The following CHD2 variants were observed in gnomAD, a reference collection of about 807,000 sequenced individuals.
CHD2 encodes ATP-dependent chromatin remodeler CHD2.
Under a neutral mutation model 243.9 loss-of-function variants are expected in CHD2, and 28 were observed. That is an observed-to-expected ratio of 0.11 (90% CI 0.09 to 0.16). The LOEUF is 0.16. Ranked by LOEUF, CHD2 falls within the 10% of genes least tolerant of loss-of-function variation. The pLI is 1.00. For synonymous variants in CHD2, 775 were observed against 779.0 expected (o/e 0.99, Z 0.09); for missense variants, 1,386 against 2,209.8 (o/e 0.63, Z 7.47).
chr15:92,910,063 G>A (rs2052702999), intron 2 of CHD2, among the ~76,000 whole-genome samples: 1 of 151,866 alleles, frequency 6.6e-6, no homozygotes, highest in African/African-American at 2.4e-5. Flanking sequence ...CTGGAGTGCA[G>A]TGGTACAATT....
At chr15:93,004,527 C>G in intron 33 of CHD2, 90 bp from the exon 34 acceptor site, 1 of 1,204,002 alleles carries the variant, frequency 8.3e-7, no homozygotes, top group East Asian at 2.6e-5. Context: ...CATATTTACC[C>G]ATTTTAATAA....
chr15:92,968,143 A>C (rs938223443), intron 17 of CHD2, among the ~76,000 whole-genome samples: 35 of 152,080 alleles, frequency 2.3e-4, no homozygotes, highest in African/African-American at 7.7e-4. Context: ...TTGCCTTATA[A>C]ATTTTTTGAG....
chr15:92,923,078 T>C (rs571616868), intron 2 of CHD2, among the ~76,000 whole-genome samples: 1 of 152,362 alleles, frequency 6.6e-6, no homozygotes, highest in East Asian at 1.9e-4. Flanking sequence ...CTTACTTCTG[T>C]TAAGTCTACC....
chr15:92,932,643 C>G (rs1415941346), intron 5 of CHD2, among the ~76,000 whole-genome samples: 3 of 152,134 alleles, frequency 2.0e-5, no homozygotes, highest in Non-Finnish European at 4.4e-5. Context: ...ATTGGGAGCA[C>G]TTTCACAGCC....
At chr15:92,947,584 A>C (rs962967022) in intron 12 of CHD2, 1 of 152,260 alleles carries the variant, frequency 6.6e-6, no homozygotes, top group African/African-American at 2.4e-5. Flanking sequence ...TTCATGTAAT[A>C]GCAGTATATA....
intron 21 of CHD2, among the ~76,000 whole-genome samples, chr15:92,978,816 C>A (rs569598064): frequency 1.3e-5 from 2 of 152,238 alleles, no homozygotes; most frequent in South Asian, 4.1e-4. Flanking sequence ...ATTGGATAAC[C>A]CGTAAGTTTC....
At chr15:92,924,290 A>G (rs1366284341) in intron 2 of CHD2, 31 bp from the exon 3 acceptor site, 1 of 1,591,636 alleles carries the variant, frequency 6.3e-7, no homozygotes, top group Admixed American at 1.7e-5. Context: ...GTTCTTAAAT[A>G]TTTTTAAATC....
intron 16 of CHD2, among the ~76,000 whole-genome samples, chr15:92,959,984 T>C (rs981115314): frequency 1.3e-5 from 2 of 152,250 alleles, no homozygotes; most frequent in Admixed American, 6.5e-5. Flanking sequence ...TTATTAATAT[T>C]GAGTCTTCTA....
chr15:93,023,683 T>TTG (rs1399432332), intron 38 of CHD2, among the ~76,000 whole-genome samples: 1 of 149,614 alleles, frequency 6.7e-6, no homozygotes, highest in South Asian at 2.1e-4. Flanking sequence ...TTTTTTGTGT[T>TTG]TTTTTTTAAT....
intron 16 of CHD2, among the ~76,000 whole-genome samples, chr15:92,961,690 G>A (rs1411300834): frequency 6.6e-6 from 1 of 152,110 alleles, no homozygotes; most frequent in East Asian, 1.9e-4. Context: ...GAGATAATAG[G>A]CATGAACCAC....
At chr15:92,967,052 TGAGTA>T (rs2053774733) in intron 16 of CHD2, among the ~76,000 whole-genome samples, 1 of 152,234 alleles carries the variant, frequency 6.6e-6, no homozygotes, top group African/African-American at 2.4e-5. Flanking sequence ...GAGTAGTTAC[TGAGTA>T]GTTCTAGATG....
chr15:92,904,776 C>T (rs1038822613), intron 2 of CHD2: 21 of 1,402,930 alleles, frequency 1.5e-5, no homozygotes, highest in African/African-American at 2.9e-5. Flanking sequence ...GTCCCTTCTC[C>T]CCGCCCCCGT....
intron 5 of CHD2, among the ~76,000 whole-genome samples, chr15:92,932,607 T>C (rs2053192292): frequency 1.3e-5 from 2 of 152,084 alleles, no homozygotes; most frequent in Admixed American, 6.5e-5. Context: ...TCCATGTCCT[T>C]ACAAAGGACA....
At chr15:92,935,239 C>T (rs1055150722) in intron 5 of CHD2, among the ~76,000 whole-genome samples, 37 of 152,090 alleles carry the variant, frequency 2.4e-4, no homozygotes, top group Admixed American at 5.2e-4. Context: ...GGTTTCACCA[C>T]GTTAGCCAGG....
At chr15:93,009,880 C>CT (rs1298732045) in intron 35 of CHD2, among the ~76,000 whole-genome samples, 3 of 152,118 alleles carry the variant, frequency 2.0e-5, no homozygotes, top group African/African-American at 7.2e-5. Flanking sequence ...GCCACTGAAA[C>CT]TTTTTTAAAA....
At position 92,997,065 on chromosome 15, in the gene CHD2, C is replaced by T; in HGVS notation, c.3704C>T (p.Ser1235Phe). 6.2e-7 allele frequency: 1 copy of T among 1,613,310 alleles called. No individual in the cohort carries two copies. The highest frequency in any genetic ancestry group is 8.5e-7 in the Non-Finnish European group (1 of 1,179,798). ...HEEEFEMLHK[S>F]IPVDPEEKKK... ...GAGGAGTTTGAGATGCTGCATAAAT[C>T]TATCCCTGTGGACCCTGAAGAAAAA... The change falls in exon 29 of 39, where the codon TCT (serine) becomes TTT (phenylalanine). Residue 1235 changes from serine (S) to phenylalanine (F), a missense_variant. Ser to Phe is a radical substitution (Grantham distance 155). Coordinates refer to ENST00000394196, the MANE Select transcript of CHD2 (RefSeq NM_001271.4). This position sits in a 1 kb window ranked among gnomAD's most constrained non-coding sequence, Gnocchi z 4.1.
chr15:93,012,091 C>T (rs562562953), intron 35 of CHD2, among the ~76,000 whole-genome samples: 9 of 152,232 alleles, frequency 5.9e-5, no homozygotes, highest in Non-Finnish European at 1.0e-4. Context: ...AGCTTTGTTT[C>T]ATTATAACAT....
chr15:92,935,872 G>A (rs1314066537), intron 5 of CHD2, among the ~76,000 whole-genome samples: 1 of 151,990 alleles, frequency 6.6e-6, no homozygotes, highest in Admixed American at 6.6e-5. Context: ...AGGCCTTTCT[G>A]TCTTACCAGA....
rs1051386489 is a variant in CHD2, at chr15:92,910,046, T to C, written c.62+8747T>C. 6.6e-5 allele frequency among the ~76,000 whole-genome samples: 10 copies of C among 151,954 alleles called. No homozygotes were observed. The East Asian group carries it at 9.7e-4, about 15-fold the overall frequency. On this transcript the variant is annotated intron_variant, in intron 2 of 38. Coordinates refer to ENST00000394196, the MANE Select transcript of CHD2 (RefSeq NM_001271.4). Reference sequence around the variant, plus strand: ...TTTGAGACAGGGTTTCACTCCCATCTCTCACACTGGAGTGCAGTGGTACAA... The same window carrying C: ...TTTGAGACAGGGTTTCACTCCCATCCCTCACACTGGAGTGCAGTGGTACAA...
Sources: gnomAD v4.1 joint callset for allele counts (sites outside exome capture counted in the v4.1 genomes callset) on GRCh38, gnomAD v4.1.1 for gene constraint, Gnocchi (gnomAD v3.1) non-coding constraint, MANE v1.5 for transcripts, NCBI Gene and HGNC (gene_info 2026-07-23, HGNC 2026-07-21) for gene names.